Variants in RNF216 observed in about 807,000 individuals in gnomAD.
RNF216 encodes ring finger protein 216.
In RNF216, 72 loss-of-function variants were observed where a neutral mutation model predicts 110.8. The ratio of observed to expected loss-of-function variants is 0.65; its 90% confidence interval spans 0.54 to 0.79. The LOEUF (loss-of-function observed/expected upper bound fraction) is 0.79. Ranked by LOEUF, RNF216 falls within the 30% of genes least tolerant of loss-of-function variation. RNF216 has a pLI of 0.00. For missense variants in RNF216, 1,342 were observed against 1,141.2 expected (o/e 1.18, Z -2.54); for synonymous variants, 495 against 407.5 (o/e 1.21, Z -2.59).
In RNF216 at chr7:5,696,719, C is replaced by T. The variant is rs1791652760; in HGVS notation, c.2061+15042G>A. Reference sequence around the variant, plus strand: ...CCAGGTTCCTTCAGGCCAAATCCCACCTAGGTCTTCTGGAAAATGGGAAAA... The same window carrying T: ...CCAGGTTCCTTCAGGCCAAATCCCATCTAGGTCTTCTGGAAAATGGGAAAA... On this transcript the variant is annotated intron_variant, in intron 13 of 16. Transcript: ENST00000389902. The surrounding 1 kb of genome is among the most constrained non-coding windows in gnomAD (Gnocchi z 5.4). Among the ~76,000 whole-genome samples the T allele has an allele frequency of 6.6e-6, 1 of 152,190 alleles. No homozygotes were observed. Among genetic ancestry groups the T allele is most frequent in the African/African-American group, 2.4e-5 (1 of 41,430 alleles).
chr7:5,623,464 A>G (rs969928757), intron 16 of RNF216, among the ~76,000 whole-genome samples: 1 of 143,686 alleles, frequency 7.0e-6, no homozygotes, highest in Non-Finnish European at 1.5e-5. Context: ...TGACTCAGTT[A>G]CTTTTTTTTT....
intron 13 of RNF216, among the ~76,000 whole-genome samples, chr7:5,708,450 C>T (rs1180708137): frequency 6.6e-6 from 1 of 152,192 alleles, no homozygotes. Flanking sequence ...AATGGTTTTA[C>T]ACTTTTTGAC....
chr7:5,661,544 T>C (rs2128585976), intron 13 of RNF216, among the ~76,000 whole-genome samples: 1 of 152,314 alleles, frequency 6.6e-6, no homozygotes, highest in South Asian at 2.1e-4. Flanking sequence ...GGTTCACTCT[T>C]GTAATCCAAG....
chr7:5,643,776 G>T (rs1787885178), intron 14 of RNF216, among the ~76,000 whole-genome samples: 1 of 152,132 alleles, frequency 6.6e-6, no homozygotes, highest in Non-Finnish European at 1.5e-5. Flanking sequence ...TCACTATCTA[G>T]TTCCAAGAGA....
chr7:5,704,007 T>C (rs1365600713), intron 13 of RNF216, among the ~76,000 whole-genome samples: 1 of 152,168 alleles, frequency 6.6e-6, no homozygotes, highest in Non-Finnish European at 1.5e-5. Context: ...ACACACCCAA[T>C]TCATTCCTAA....
At chr7:5,776,420 T>C (rs1187477264) in intron 1 of RNF216, among the ~76,000 whole-genome samples, 1 of 134,842 alleles carries the variant, frequency 7.4e-6, no homozygotes, top group South Asian at 2.3e-4. Context: ...CGTCTCTACT[T>C]AAAAAAAAAA....
At chr7:5,756,296 A>C (rs539068852) in intron 2 of RNF216, among the ~76,000 whole-genome samples, 8 of 152,358 alleles carry the variant, frequency 5.3e-5, no homozygotes, top group Non-Finnish European at 1.0e-4. Flanking sequence ...TTTCCGTCAT[A>C]AATTACCCAG....
chr7:5,737,906 G>GCTGGCTCCC (rs1794520057), intron 5 of RNF216, among the ~76,000 whole-genome samples: 1 of 152,000 alleles, frequency 6.6e-6, no homozygotes, highest in South Asian at 2.1e-4. Context: ...TGACCAACAT[G>GCTGGCTCCC]ATGAAACCCT....
intron 10 of RNF216, among the ~76,000 whole-genome samples, chr7:5,715,677 G>A (rs1258337575): frequency 1.3e-5 from 2 of 151,376 alleles, no homozygotes; most frequent in African/African-American, 2.4e-5. Flanking sequence ...CTCAAGTAAT[G>A]TACCAGGCTA....
intron 11 of RNF216, among the ~76,000 whole-genome samples, chr7:5,714,567 T>TTA (rs1448462860): frequency 6.6e-6 from 1 of 152,182 alleles, no homozygotes; most frequent in Non-Finnish European, 1.5e-5. Context: ...AGTCATCTTC[T>TTA]TAATCACTGT....
chr7:5,675,863 C>T (rs1196380737), intron 13 of RNF216, among the ~76,000 whole-genome samples: 1 of 151,966 alleles, frequency 6.6e-6, no homozygotes, highest in Non-Finnish European at 1.5e-5. Flanking sequence ...GCATGCACCA[C>T]CATGCCTGGC....
intron 11 of RNF216, among the ~76,000 whole-genome samples, chr7:5,714,464 G>C (rs969956130): frequency 6.6e-6 from 1 of 151,264 alleles, no homozygotes; most frequent in African/African-American, 2.4e-5. Flanking sequence ...CTCCATGTTG[G>C]TCAGGCTGGT....
At chr7:5,738,413 A>T (rs1794560022) in intron 5 of RNF216, among the ~76,000 whole-genome samples, 2 of 152,102 alleles carry the variant, frequency 1.3e-5, no homozygotes, top group Admixed American at 1.3e-4. Flanking sequence ...TTTATAATGA[A>T]AATTAAGAAA....
chr7:5,739,432 G>A (rs1017248382), intron 4 of RNF216, 80 bp from the exon 5 acceptor site: 41 of 1,389,612 alleles, frequency 3.0e-5, no homozygotes, highest in Non-Finnish European at 4.0e-5. Context: ...ATGGCAAAAA[G>A]TATAATAAAA....
In RNF216 at chr7:5,620,632, C is replaced by A. The variant is rs919181465; in HGVS notation, c.*2228G>T. Reference sequence around the variant, plus strand: ...AGGCCGCCGCTCCTTCCCCACCAGCCCAGTGTGGCCAGAACAGCTGGAACT... The same window carrying A: ...AGGCCGCCGCTCCTTCCCCACCAGCACAGTGTGGCCAGAACAGCTGGAACT... On this transcript the variant is annotated 3_prime_UTR_variant, in exon 17 of 17. Transcript: ENST00000389902. 1 of 152,324 alleles carries A rather than the reference C, an allele frequency of 6.6e-6. No individual in the cohort carries two copies. The highest frequency in any genetic ancestry group is 2.4e-5 in the African/African-American group (1 of 41,454). The allele number at this position is 152,324 out of a possible 1,614,324, so 9.4% of individuals were successfully genotyped here.
At chr7:5,637,337 C>A (rs1299282509) in intron 15 of RNF216, among the ~76,000 whole-genome samples, 1 of 152,212 alleles carries the variant, frequency 6.6e-6, no homozygotes, top group Non-Finnish European at 1.5e-5. Context: ...TTCTTCCACA[C>A]ATCTCCTTAG....
At chr7:5,670,126 G>A (rs1320365776) in intron 13 of RNF216, among the ~76,000 whole-genome samples, 2 of 151,972 alleles carry the variant, frequency 1.3e-5, no homozygotes, top group African/African-American at 4.8e-5. Context: ...TAGAGACGGG[G>A]CTTCACCATG....
intron 9 of RNF216, among the ~76,000 whole-genome samples, chr7:5,720,512 T>C (rs1478332219): frequency 6.6e-6 from 1 of 152,116 alleles, no homozygotes; most frequent in Admixed American, 6.5e-5. Context: ...TTTGGGGCAG[T>C]CAAACATTAT....
At chr7:5,667,551 A>G (rs1789610160) in intron 13 of RNF216, among the ~76,000 whole-genome samples, 1 of 152,238 alleles carries the variant, frequency 6.6e-6, no homozygotes, top group African/African-American at 2.4e-5. Context: ...GGCCATGCAT[A>G]GGAAGCAGAT....
Sources: gnomAD v4.1 joint callset for allele counts (sites outside exome capture counted in the v4.1 genomes callset) on GRCh38, gnomAD v4.1.1 for gene constraint, Gnocchi (gnomAD v3.1) non-coding constraint, MANE v1.5 for transcripts, NCBI Gene and HGNC (gene_info 2026-07-23, HGNC 2026-07-21) for gene names.